CXXC4: variants seen among roughly 807,000 people sequenced by gnomAD.
CXXC4 encodes CXXC-type zinc finger protein 4.
In CXXC4, 5 loss-of-function variants were observed where a neutral mutation model predicts 20.5. That is an observed-to-expected ratio of 0.24 (90% confidence interval 0.13 to 0.51). CXXC4 has a LOEUF of 0.51. Ranked by LOEUF, CXXC4 falls within the 20% of genes least tolerant of loss-of-function variation. CXXC4 has a pLI of 0.97. For missense variants in CXXC4, 419 were observed against 496.4 expected (o/e 0.84, Z 1.48); for synonymous variants, 250 against 216.4 (o/e 1.16, Z -1.36).
chr4:104,492,625 A>T (rs1736924016), intron 1 of CXXC4, among the ~76,000 whole-genome samples: 1 of 152,174 alleles, frequency 6.6e-6, no homozygotes. Flanking sequence ...GAGACTGCCC[A>T]CATACAATCT....
intron 2 of CXXC4, among the ~76,000 whole-genome samples, chr4:104,483,119 C>T (rs1736596563): frequency 1.3e-5 from 2 of 151,984 alleles, no homozygotes; most frequent in Admixed American, 1.3e-4. Context: ...AAAATAATAA[C>T]ATCAGCTATA....
Position 104,491,574 on chromosome 4 carries a change from C to A in CXXC4, c.229G>T (p.Ala77Ser). 6.6e-7 allele frequency: 1 copy of A among 1,517,190 alleles called. No individual in the cohort carries two copies. Among genetic ancestry groups the A allele is most frequent in the East Asian group, 2.7e-5 (1 of 37,480 alleles). The allele number at this position is 1,517,190 out of a possible 1,614,324, so 94.0% of individuals were successfully genotyped here. ...CCGATGCGCGCGGCGGCCGCGGCGGCGGCGGCGCTGCTGGGGAAGATGGGG... is the reference window on the plus strand; with the variant it reads ...CCGATGCGCGCGGCGGCCGCGGCGGAGGCGGCGCTGCTGGGGAAGATGGGG... ...TTPIFPSSAA[A>S]AAAAARIGMS... is the part of the protein sequence containing the mutation. The change falls in exon 2 of 3, where the codon GCC (alanine) becomes TCC (serine). Residue 77 changes from alanine to serine, a missense_variant. Physicochemically the swap from Ala to Ser is moderately conservative, Grantham distance 99. Transcript: ENST00000394767.
chr4:104,490,954 A>G lies in CXXC4; in HGVS notation c.849T>C (p.Asn283=). The change falls in exon 2 of 3, where the codon AAT becomes AAC. Residue 283 remains asparagine, a synonymous_variant. Transcript: ENST00000394767. The stretch of plus-strand genomic sequence containing the variant: ...AGGAGGACGAGGAGGAGGAGGAATG[A>G]TTCTGCGGGCAGTCTGCCAGATTGG... ...QIANLADCPQ[N]HSSSSSSSSG... 1.2e-6 allele frequency: 2 copies of G among 1,613,800 alleles called. No homozygotes were observed. Among genetic ancestry groups the G allele is most frequent in the Non-Finnish European group, 1.7e-6 (2 of 1,179,938 alleles).
chr4:104,473,381 A>C (rs2110269621), intron 2 of CXXC4, among the ~76,000 whole-genome samples: 1 of 152,026 alleles, frequency 6.6e-6, no homozygotes, highest in Admixed American at 6.6e-5. Context: ...TCAAGCTAGC[A>C]CCAAAGTATA....
chr4:104,491,163 T>A lies in CXXC4; in HGVS notation c.640A>T (p.Met214Leu). The change falls in exon 2 of 3, where the codon ATG (methionine) becomes TTG (leucine). Residue 214 changes from methionine (M) to leucine (L), a missense_variant. Met to Leu is a conservative substitution (Grantham distance 15, BLOSUM62 2). Coordinates refer to ENST00000394767, the MANE Select transcript of CXXC4 (RefSeq NM_025212.4). ...EHCRPLAGEC[M>L]NKLKCGAAEA... ...GCAGCGCCGCATTTGAGCTTGTTCA[T>A]GCATTCCCCCGCCAAAGGTCTGCAG... is the stretch of plus-strand genomic sequence containing the variant. 6.2e-7 allele frequency: 1 copy of A among 1,613,978 alleles called. No individual in the cohort carries two copies. The highest frequency in any genetic ancestry group is 8.5e-7 in the Non-Finnish European group (1 of 1,179,994).
At chr4:104,479,351 T>C (rs1736497750) in intron 2 of CXXC4, among the ~76,000 whole-genome samples, 1 of 152,160 alleles carries the variant, frequency 6.6e-6, no homozygotes, top group African/African-American at 2.4e-5. Context: ...AGTAGTTACA[T>C]TTAGCCTCCA....
intron 2 of CXXC4, among the ~76,000 whole-genome samples, chr4:104,473,286 T>C (rs1005294532): frequency 2.6e-5 from 4 of 151,806 alleles, no homozygotes; most frequent in Non-Finnish European, 4.4e-5. Context: ...ATAAAGTAAA[T>C]TGATTACTAA....
At chr4:104,484,198 C>A (rs901256323) in intron 2 of CXXC4, among the ~76,000 whole-genome samples, 4 of 151,850 alleles carry the variant, frequency 2.6e-5, no homozygotes, top group Non-Finnish European at 5.9e-5. Context: ...AGTTTGCCAA[C>A]AACATTAAAC....
At chr4:104,493,451 A>G (rs1736957314) in intron 1 of CXXC4, among the ~76,000 whole-genome samples, 1 of 152,198 alleles carries the variant, frequency 6.6e-6, no homozygotes, top group Admixed American at 6.5e-5. Context: ...TATAGTAATT[A>G]TGCTTATAAT....
intron 1 of CXXC4, among the ~76,000 whole-genome samples, chr4:104,494,335 G>A (rs996131423): frequency 5.9e-5 from 9 of 151,994 alleles, no homozygotes; most frequent in Admixed American, 5.2e-4. Context: ...GAGATCAAAG[G>A]TCATATTTAA....
chr4:104,480,860 CCCTCCCTT>C (rs1318432748), intron 2 of CXXC4, among the ~76,000 whole-genome samples: 4 of 144,778 alleles, frequency 2.8e-5, no homozygotes, highest in African/African-American at 1.1e-4. Context: ...CTCCCTCCCT[CCCTCCCTT>C]CCTTCCTTCC....
chr4:104,492,664 AC>A (rs1736926516), intron 1 of CXXC4, among the ~76,000 whole-genome samples: 1 of 152,136 alleles, frequency 6.6e-6, no homozygotes, highest in Admixed American at 6.5e-5. Context: ...AAAAAGAACT[AC>A]CAGCTGCCAC....
At chr4:104,488,568 A>T (rs996630154) in intron 2 of CXXC4, among the ~76,000 whole-genome samples, 1 of 152,268 alleles carries the variant, frequency 6.6e-6, no homozygotes, top group African/African-American at 2.4e-5. Context: ...TTAGAAGATC[A>T]GCTTGAGAGT....
At position 104,491,329 on chromosome 4, in the gene CXXC4, GCCA is replaced by G. The variant is rs1288257120; in HGVS notation, c.471_473del (p.Gly165del). The stretch of plus-strand genomic sequence containing the variant: ...TGCTGCCGCCGCCGCCGCCGCCGCC[GCCA>G]CCGCCGGCGGGGAGGATCGCCGAGG... On this transcript the variant is annotated inframe_deletion, in exon 2 of 3. Transcript: ENST00000394767. 3.2e-5 allele frequency: 49 copies of G among 1,545,926 alleles called. No individual in the cohort carries two copies. Among genetic ancestry groups the G allele is most frequent in the Non-Finnish European group, 3.8e-5 (44 of 1,149,396 alleles).
In CXXC4 at chr4:104,468,892, T is replaced by C. The variant is rs963884358; in HGVS notation, c.*3430A>G. The C allele has an allele frequency of 6.6e-6, 1 of 152,102 alleles. No homozygotes were observed. The highest frequency in any genetic ancestry group is 2.4e-5 in the African/African-American group (1 of 41,432). The allele number at this position is 152,102 out of a possible 1,614,324, so 9.4% of individuals were successfully genotyped here. A position where few individuals can be genotyped will look rare whatever the true frequency, so the allele number is the denominator to read the frequency against. ...GATACTTATCAGCTTAAAGACTTTATATGCTTTAGCATTAATTGCACAACT... is the reference window on the plus strand; with the variant it reads ...GATACTTATCAGCTTAAAGACTTTACATGCTTTAGCATTAATTGCACAACT... On this transcript the variant is annotated 3_prime_UTR_variant, in exon 3 of 3. Transcript: ENST00000394767.
intron 1 of CXXC4, among the ~76,000 whole-genome samples, chr4:104,493,049 G>A (rs534303688): frequency 3.6e-4 from 43 of 118,644 alleles, no homozygotes; most frequent in East Asian, 3.6e-3. Context: ...TTGAGTAAAA[G>A]GGGGGGGGGC....
chr4:104,492,217 C>T (rs1279924364), intron 1 of CXXC4, among the ~76,000 whole-genome samples, 158 bp from the exon 2 acceptor site: 2 of 122,214 alleles, frequency 1.6e-5, no homozygotes, highest in Non-Finnish European at 3.4e-5. Context: ...CCCAGCCCAT[C>T]CCCCCCAACT....
At chr4:104,476,837 C>T (rs933043869) in intron 2 of CXXC4, among the ~76,000 whole-genome samples, 7 of 152,028 alleles carry the variant, frequency 4.6e-5, no homozygotes, top group African/African-American at 1.7e-4. Flanking sequence ...TTCCTGTTTT[C>T]CCATTTATTA....
chr4:104,487,695 T>C (rs1407810397), intron 2 of CXXC4, among the ~76,000 whole-genome samples: 1 of 152,210 alleles, frequency 6.6e-6, no homozygotes, highest in Non-Finnish European at 1.5e-5. Flanking sequence ...AATTAGTGGC[T>C]ATTTTTTTAA....
Sources: allele counts gnomAD v4.1 joint callset (sites outside exome capture counted in the v4.1 genomes callset), GRCh38; gene constraint gnomAD v4.1.1; transcripts MANE v1.5; gene names NCBI Gene and HGNC (gene_info 2026-07-23, HGNC 2026-07-21).